Variants in BCL2 observed in about 807,000 individuals in gnomAD.
The protein encoded by BCL2 is BCL2 apoptosis regulator, also known as apoptosis regulator Bcl-2.
A neutral mutation model predicts 14.2 loss-of-function variants in BCL2; 1 was observed. The observed-to-expected ratio is 0.07, with a 90% confidence interval of 0.02 to 0.33. The LOEUF is 0.33. Among genes scored for constraint, BCL2 ranks in the 10% least tolerant of loss-of-function variants. The pLI, the probability that BCL2 is intolerant of heterozygous loss-of-function variation, is 0.99. For synonymous variants in BCL2, 151 were observed against 137.2 expected (o/e 1.10, Z -0.70); for missense variants, 247 against 305.9 (o/e 0.81, Z 1.44).
intron 2 of BCL2, among the ~76,000 whole-genome samples, chr18:63,218,240 T>C (rs914098158): frequency 6.6e-6 from 1 of 152,118 alleles, no homozygotes; most frequent in African/African-American, 2.4e-5. Flanking sequence ...CAAGTTCTGA[T>C]CTTCTGTTCT....
At chr18:63,231,675 A>G (rs1051132558) in intron 2 of BCL2, among the ~76,000 whole-genome samples, 1 of 152,074 alleles carries the variant, frequency 6.6e-6, no homozygotes, top group African/African-American at 2.4e-5. Context: ...AAATTATAAA[A>G]CTTCATTGAA....
chr18:63,211,513 T>A (rs1910002886), intron 2 of BCL2, among the ~76,000 whole-genome samples: 1 of 152,176 alleles, frequency 6.6e-6, no homozygotes, highest in African/African-American at 2.4e-5. Context: ...ATCTATATAT[T>A]TTTAAGTCTT....
chr18:63,138,318 G>A (rs990175786), intron 2 of BCL2, among the ~76,000 whole-genome samples: 1 of 152,114 alleles, frequency 6.6e-6, no homozygotes, highest in Non-Finnish European at 1.5e-5. Flanking sequence ...TCATCGGCTC[G>A]GCAGGATTTC....
chr18:63,168,600 C>T lies in BCL2; in HGVS notation c.586-39841G>A, dbSNP rs75246773. On this transcript the variant is annotated intron_variant, in intron 2 of 2. Transcript: ENST00000333681. ...TCCATAGCTGACGTCCACAGCCAGACATCCACGAGATGCTCAAACTCAGAA... is the reference window on the plus strand; with the variant it reads ...TCCATAGCTGACGTCCACAGCCAGATATCCACGAGATGCTCAAACTCAGAA... Among the ~76,000 whole-genome samples, 511 of 152,288 alleles carry T rather than the reference C, an allele frequency of 3.4e-3. 6 individuals are homozygous for T. Among genetic ancestry groups the T allele is most frequent in the African/African-American group, 0.012 (495 of 41,550 alleles).
intron 2 of BCL2, among the ~76,000 whole-genome samples, chr18:63,264,565 C>T (rs2144229499): frequency 6.6e-6 from 1 of 152,292 alleles, no homozygotes; most frequent in Non-Finnish European, 1.5e-5. Flanking sequence ...GAAATCACAG[C>T]CCGATTCCCT....
intron 2 of BCL2, among the ~76,000 whole-genome samples, chr18:63,216,996 G>A (rs1218307316): frequency 3.9e-5 from 6 of 152,148 alleles, no homozygotes; most frequent in Non-Finnish European, 5.9e-5. Flanking sequence ...GCGGCAGCAG[G>A]AGGCTTCCAA....
chr18:63,219,441 C>A (rs539103353), intron 2 of BCL2, among the ~76,000 whole-genome samples: 1 of 150,802 alleles, frequency 6.6e-6, no homozygotes, highest in African/African-American at 2.4e-5. Flanking sequence ...ATGTATCAAC[C>A]ACAGCAGAAC....
intron 2 of BCL2, among the ~76,000 whole-genome samples, chr18:63,311,347 T>C (rs951659965): frequency 2.6e-5 from 4 of 152,218 alleles, no homozygotes; most frequent in Non-Finnish European, 5.9e-5. Flanking sequence ...CACTGATCCT[T>C]TGTTTGGTGC....
At position 63,126,920 on chromosome 18, in the gene BCL2, G is replaced by A. The variant is rs1486697162; in HGVS notation, c.*1705C>T. Reference sequence around the variant, plus strand: ...GTATATAATGCAATAATGCCACAGAGTTATTCCATCAATGTTTCAAGGCTG... The same window carrying A: ...GTATATAATGCAATAATGCCACAGAATTATTCCATCAATGTTTCAAGGCTG... On this transcript the variant is annotated 3_prime_UTR_variant, in exon 3 of 3. Coordinates refer to ENST00000333681, the MANE Select transcript of BCL2 (RefSeq NM_000633.3). The A allele has an allele frequency of 4.4e-6, 1 of 225,824 alleles. No individual in the cohort carries two copies. The highest frequency in any genetic ancestry group is 2.2e-5 in the African/African-American group (1 of 44,884). 14.0% of individuals were successfully genotyped at this position (225,824 alleles called of 1,614,324 possible).
chr18:63,164,801 C>T (rs558597915), intron 2 of BCL2, among the ~76,000 whole-genome samples: 32 of 152,328 alleles, frequency 2.1e-4, no homozygotes, highest in African/African-American at 3.4e-4. Flanking sequence ...AAGGCGTGAA[C>T]GTCAGCGTTC....
intron 2 of BCL2, among the ~76,000 whole-genome samples, chr18:63,298,200 C>T (rs964104777): frequency 7.2e-5 from 11 of 152,114 alleles, no homozygotes; most frequent in Admixed American, 2.6e-4. Context: ...ATCTGGCTGC[C>T]GCATCCTTTG....
rs903861997 is a variant in BCL2, at chr18:63,190,997, C to T, written c.586-62238G>A. Among the ~76,000 whole-genome samples the T allele has an allele frequency of 7.9e-4, 120 of 152,290 alleles. 7 individuals are homozygous for T. Among genetic ancestry groups the T allele is most frequent in the Non-Finnish European group, 1.6e-4 (11 of 68,032 alleles). On this transcript the variant is annotated intron_variant, in intron 2 of 2. Coordinates refer to ENST00000333681, the MANE Select transcript of BCL2 (RefSeq NM_000633.3). ...GTTAGTTTGCTGAGGATGATGGCTT[C>T]CAGCTTCATCTATGTCCCTGCAAAG...
intron 2 of BCL2, among the ~76,000 whole-genome samples, chr18:63,189,844 G>A (rs1377646919): frequency 6.6e-6 from 1 of 151,918 alleles, no homozygotes; most frequent in Non-Finnish European, 1.5e-5. Context: ...AGATATTTAA[G>A]TGTCTTTTAA....
At chr18:63,317,507 G>A in intron 2 of BCL2, 15 of 970,346 alleles carry the variant, frequency 1.5e-5, no homozygotes, top group Non-Finnish European at 1.7e-5. Flanking sequence ...ACACAACTAA[G>A]TTTTTCAGGG....
chr18:63,302,685 G>T (rs537168875), intron 2 of BCL2: 1 of 984,240 alleles, frequency 1.0e-6, no homozygotes, highest in African/African-American at 1.7e-5. Flanking sequence ...TAACACAAGA[G>T]ATATATAAAT....
intron 2 of BCL2, among the ~76,000 whole-genome samples, chr18:63,300,464 CTCTGTGTG>C (rs1912932963): frequency 1.4e-5 from 2 of 142,116 alleles, no homozygotes; most frequent in Non-Finnish European, 3.2e-5. Flanking sequence ...CTCTCTCTCT[CTCTGTGTG>C]TGTGTGTGTG....
At chr18:63,233,277 G>T (rs1910735695) in intron 2 of BCL2, among the ~76,000 whole-genome samples, 1 of 152,166 alleles carries the variant, frequency 6.6e-6, no homozygotes, top group East Asian at 1.9e-4. Context: ...ACAGTTAAAG[G>T]AATTAGCTCT....
At chr18:63,248,553 T>G (rs1911216036) in intron 2 of BCL2, among the ~76,000 whole-genome samples, 1 of 152,250 alleles carries the variant, frequency 6.6e-6, no homozygotes, top group African/African-American at 2.4e-5. Context: ...GCTCCTACGT[T>G]CATTTTATCT....
chr18:63,184,296 T>A (rs908539827), intron 2 of BCL2, among the ~76,000 whole-genome samples: 1 of 152,248 alleles, frequency 6.6e-6, no homozygotes, highest in African/African-American at 2.4e-5. Context: ...CTGCAGCATA[T>A]CTGGCTTCCT....
Sources: gnomAD v4.1 joint callset for allele counts (sites outside exome capture counted in the v4.1 genomes callset) on GRCh38, gnomAD v4.1.1 for gene constraint, MANE v1.5 for transcripts, NCBI Gene and HGNC (gene_info 2026-07-23, HGNC 2026-07-21) for gene names.